Variants in CARMIL1 observed in about 807,000 individuals in gnomAD.
The protein encoded by CARMIL1 is F-actin-uncapping protein LRRC16A.
A neutral mutation model predicts 177.1 loss-of-function variants in CARMIL1; 90 were observed. The ratio of observed to expected loss-of-function variants is 0.51; its 90% CI spans 0.43 to 0.61. The LOEUF (loss-of-function observed/expected upper bound fraction) is 0.61, where lower values mean the gene tolerates loss of function less well. Among genes scored for constraint, CARMIL1 ranks in the 20% least tolerant of loss-of-function variants. The probability of loss-of-function intolerance (pLI) is 0.00; values close to 1 mark genes in which losing one functional copy is unlikely to be tolerated. For synonymous variants in CARMIL1, 577 were observed against 606.2 expected, an observed-to-expected ratio of 0.95 and a Z score of 0.71; for missense variants, 1,380 against 1,667.0, an observed-to-expected ratio of 0.83 and a Z score of 3.00.
chr6:25,322,527 C>A (rs982992796), intron 2 of CARMIL1, among the ~76,000 whole-genome samples: 13 of 152,186 alleles, frequency 8.5e-5, no homozygotes, highest in African/African-American at 3.1e-4. Flanking sequence ...CACAAAAATA[C>A]ACAAACTTTA....
At chr6:25,486,962 T>C (rs945970441) in intron 12 of CARMIL1, among the ~76,000 whole-genome samples, 1 of 152,078 alleles carries the variant, frequency 6.6e-6, no homozygotes, top group African/African-American at 2.4e-5. Context: ...AAAAAAATGA[T>C]CTTATTTATA....
At chr6:25,514,286 C>A (rs1805742920) in intron 20 of CARMIL1, among the ~76,000 whole-genome samples, 2 of 152,112 alleles carry the variant, frequency 1.3e-5, no homozygotes, top group African/African-American at 4.8e-5. Context: ...GTGGTTCACG[C>A]CTGTAATCCT....
chr6:25,449,154 G>A (rs1798538297), intron 5 of CARMIL1, among the ~76,000 whole-genome samples: 1 of 152,156 alleles, frequency 6.6e-6, no homozygotes, highest in Non-Finnish European at 1.5e-5. Context: ...GCCTCCCAAA[G>A]TGCTGGAATT....
chr6:25,464,319 T>C (rs2150918106), intron 8 of CARMIL1, among the ~76,000 whole-genome samples: 1 of 152,228 alleles, frequency 6.6e-6, no homozygotes, highest in East Asian at 1.9e-4. Context: ...TGCACACATG[T>C]GGTGCTTCAG....
intron 2 of CARMIL1, among the ~76,000 whole-genome samples, chr6:25,417,737 A>G (rs1435266587): frequency 6.6e-6 from 1 of 152,162 alleles, no homozygotes; most frequent in Non-Finnish European, 1.5e-5. Context: ...TACTCTTCTT[A>G]AGGACCTTTT....
chr6:25,314,140 A>G (rs1306777701), intron 2 of CARMIL1, among the ~76,000 whole-genome samples: 1 of 146,794 alleles, frequency 6.8e-6, no homozygotes, highest in Non-Finnish European at 1.5e-5. Context: ...AAGCAAACTT[A>G]AAGATTATAT....
At chr6:25,425,273 C>T (rs551510109) in intron 3 of CARMIL1, among the ~76,000 whole-genome samples, 4 of 152,226 alleles carry the variant, frequency 2.6e-5, no homozygotes, top group Non-Finnish European at 4.4e-5. Context: ...TCTCTTTCTA[C>T]TTCCAGAGCT....
chr6:25,373,063 A>G (rs563870227), intron 2 of CARMIL1, among the ~76,000 whole-genome samples: 1 of 152,154 alleles, frequency 6.6e-6, no homozygotes. Flanking sequence ...ATTGACTTGC[A>G]TTTGTTAAAT....
At chr6:25,448,909 G>C (rs1442267232) in intron 5 of CARMIL1, among the ~76,000 whole-genome samples, 1 of 142,594 alleles carries the variant, frequency 7.0e-6, no homozygotes, top group Non-Finnish European at 1.5e-5. Flanking sequence ...ACACACCAGG[G>C]ATTCTTCTTT....
intron 12 of CARMIL1, among the ~76,000 whole-genome samples, chr6:25,483,566 C>A (rs1802326614): frequency 6.6e-6 from 1 of 150,918 alleles, no homozygotes; most frequent in Non-Finnish European, 1.5e-5. Flanking sequence ...TCATCCTGAG[C>A]TGTCTTATGT....
intron 20 of CARMIL1, among the ~76,000 whole-genome samples, chr6:25,514,633 A>C (rs1367780023): frequency 6.6e-6 from 1 of 151,780 alleles, no homozygotes; most frequent in Non-Finnish European, 1.5e-5. Flanking sequence ...TTAACAGATA[A>C]AGTTAAGGCT....
intron 8 of CARMIL1, among the ~76,000 whole-genome samples, chr6:25,462,018 AATGGGGTGATTGTTTTTTATTTTT>A (rs1800161179): frequency 1.3e-5 from 2 of 152,246 alleles, no homozygotes; most frequent in African/African-American, 4.8e-5. Context: ...CATTTAAAAA[AATGGGGTGATTGTTTTTTATTTTT>A]GATAGTTCTT....
At chr6:25,281,152 A>ACACC (rs1781085351) in intron 1 of CARMIL1, among the ~76,000 whole-genome samples, 1 of 149,920 alleles carries the variant, frequency 6.7e-6, no homozygotes, top group Non-Finnish European at 1.5e-5. Context: ...ACACACACAC[A>ACACC]CACACACACA....
In CARMIL1 at chr6:25,509,509, A is replaced by C; in HGVS notation, c.1396-147A>C. ...AGTGATAGGCTCTTTACCCACTGAT[A>C]ATAGCTTCTTTGGAGTTGATAAGCT... On this transcript the variant is annotated intron_variant, in intron 17 of 36. Transcript: ENST00000329474. This position sits in a 1 kb window ranked among gnomAD's most constrained non-coding sequence, Gnocchi z 4.1. The C allele has an allele frequency of 1.6e-6, 1 of 632,566 alleles. No individual in the cohort carries two copies. Among genetic ancestry groups the C allele is most frequent in the Non-Finnish European group, 2.8e-6 (1 of 360,232 alleles). 39.2% of individuals were successfully genotyped at this position (632,566 alleles called of 1,614,324 possible).
chr6:25,539,242 T>C (rs212937), intron 25 of CARMIL1, among the ~76,000 whole-genome samples: 26,898 of 151,942 alleles, frequency 0.18, 2,549 homozygotes, highest in Middle Eastern at 0.23. Flanking sequence ...GAGTGCCATC[T>C]GAACTGGGGA....
chr6:25,323,420 C>CAAAAAA (rs11288797), intron 2 of CARMIL1, among the ~76,000 whole-genome samples: 1 of 82,368 alleles, frequency 1.2e-5, no homozygotes, highest in Non-Finnish European at 2.4e-5. Flanking sequence ...CCTGTCTCTA[C>CAAAAAA]AAAAAAAAAA....
At chr6:25,357,194 C>T (rs756956159) in intron 2 of CARMIL1, among the ~76,000 whole-genome samples, 4 of 151,112 alleles carry the variant, frequency 2.6e-5, no homozygotes, top group African/African-American at 4.9e-5. Context: ...ACTGGAATTT[C>T]CTACCACTTA....
At chr6:25,501,606 G>C (rs1804338813) in intron 17 of CARMIL1, among the ~76,000 whole-genome samples, 1 of 152,072 alleles carries the variant, frequency 6.6e-6, no homozygotes, top group African/African-American at 2.4e-5. Context: ...TTGTGATCTT[G>C]ATCTTTTCTA....
intron 2 of CARMIL1, among the ~76,000 whole-genome samples, chr6:25,370,688 G>C (rs1790317822): frequency 1.3e-5 from 2 of 152,182 alleles, no homozygotes; most frequent in South Asian, 4.1e-4. Flanking sequence ...CTTAGGAAGT[G>C]GAAAGTCTAA....
Sources: gnomAD v4.1 joint callset for allele counts (sites outside exome capture counted in the v4.1 genomes callset) on GRCh38, gnomAD v4.1.1 for gene constraint, Gnocchi (gnomAD v3.1) non-coding constraint, MANE v1.5 for transcripts, NCBI Gene and HGNC (gene_info 2026-07-23, HGNC 2026-07-21) for gene names.